The following WDFY3 variants were observed in gnomAD, a reference collection of about 807,000 sequenced individuals.
WDFY3 encodes WD repeat and FYVE domain containing 3.
Under a neutral mutation model 409.6 loss-of-function variants are expected in WDFY3, and 66 were observed. The ratio of observed to expected loss-of-function variants is 0.16; its 90% CI spans 0.13 to 0.20. The LOEUF (loss-of-function observed/expected upper bound fraction) is 0.20, where lower values mean the gene tolerates loss of function less well. WDFY3 is among the 10% of genes least tolerant of loss of function. The pLI is 1.00. For synonymous variants in WDFY3, 1,521 were observed against 1,537.1 expected (o/e 0.99, Z 0.25); for missense variants, 3,031 against 4,298.1 (o/e 0.71, Z 8.24).
At chr4:84,809,473 G>A (rs1752108337) in intron 14 of WDFY3, 2 of 154,262 alleles carry the variant, frequency 1.3e-5, no homozygotes, top group Non-Finnish European at 2.9e-5. Flanking sequence ...ATTTTTTGAG[G>A]AGTATGATAT....
intron 2 of WDFY3, among the ~76,000 whole-genome samples, chr4:84,926,343 C>G (rs1769991588): frequency 6.6e-6 from 1 of 151,484 alleles, no homozygotes; most frequent in South Asian, 2.1e-4. Context: ...ATTAGTGTTT[C>G]TAAGACTGAA....
chr4:84,876,788 C>T (rs1022735703), intron 3 of WDFY3, among the ~76,000 whole-genome samples: 2 of 151,666 alleles, frequency 1.3e-5, no homozygotes, highest in African/African-American at 4.8e-5. Context: ...CTGTTTCTCA[C>T]AAAAACTTAC....
In WDFY3 at chr4:84,821,514, A is replaced by G. The variant is rs377252869; in HGVS notation, c.1161T>C (p.Leu387=). ...SVRNVQAFAV[L]QNAFLKAKTS... is the part of the protein sequence containing the mutation. Reference sequence around the variant, plus strand: ...TTTTTGCTTTTAAAAATGCATTCTGAAGAACTGCAAAGGCCTGGACGTTTC... The same window carrying G: ...TTTTTGCTTTTAAAAATGCATTCTGGAGAACTGCAAAGGCCTGGACGTTTC... The change falls in exon 11 of 68, where the codon CTT becomes CTC. Residue 387 remains leucine, a synonymous_variant. Transcript: ENST00000295888. 2.5e-6 allele frequency: 4 copies of G among 1,613,598 alleles called. No homozygotes were observed. Among genetic ancestry groups the G allele is most frequent in the African/African-American group, 1.3e-5 (1 of 74,914 alleles).
intron 2 of WDFY3, among the ~76,000 whole-genome samples, chr4:84,916,218 T>A (rs1305420106): frequency 6.6e-6 from 1 of 152,092 alleles, no homozygotes; most frequent in Non-Finnish European, 1.5e-5. Context: ...GGTAAGTTCA[T>A]CAGTTCATCT....
At chr4:84,878,647 G>A (rs542251264) in intron 3 of WDFY3, among the ~76,000 whole-genome samples, 11 of 152,174 alleles carry the variant, frequency 7.2e-5, no homozygotes, top group Admixed American at 5.2e-4. Context: ...GACATGGTTC[G>A]AAATGCTTTA....
Position 84,733,383 on chromosome 4 carries a change from G to A in WDFY3, c.7220C>T (p.Ala2407Val), listed in dbSNP as rs769009725. The A allele has an allele frequency of 5.5e-5, 89 of 1,613,488 alleles. 1 individual carries two copies. The highest frequency in any genetic ancestry group is 3.3e-4 in the South Asian group (30 of 91,042). ...GATCATTGAATTCTGCATACTCACC[G>A]CCACATTTGTCTCTTGCTCAGTTTC... ...VPETEQETNV[A>V]SEIPSKQPET... The change falls in exon 44 of 68, where the codon GCG becomes GTG. Residue 2407 changes from alanine (A) to valine (V), a missense_variant and splice_region_variant. By Grantham distance (64) the Ala-to-Val change is moderately conservative. Coordinates refer to ENST00000295888, the MANE Select transcript of WDFY3 (RefSeq NM_014991.6).
chr4:84,699,901 G>C (rs1404191963), intron 56 of WDFY3, among the ~76,000 whole-genome samples: 1 of 151,136 alleles, frequency 6.6e-6, no homozygotes, highest in African/African-American at 2.4e-5. Context: ...TTTCCAACTG[G>C]GTTGTTTGTC....
At chr4:84,702,855 C>T (rs914022136) in intron 55 of WDFY3, among the ~76,000 whole-genome samples, 1 of 152,078 alleles carries the variant, frequency 6.6e-6, no homozygotes, top group African/African-American at 2.4e-5. Flanking sequence ...CCAGCACTTT[C>T]GGAGGCCGAG....
Position 84,740,110 on chromosome 4 carries a change from T to C in WDFY3, c.6464+77A>G. 4 of 1,398,882 alleles carry C rather than the reference T, an allele frequency of 2.9e-6. No individual in the cohort carries two copies. The South Asian group carries it at 3.7e-5, about 13-fold the overall frequency. 86.7% of individuals were successfully genotyped at this position (1,398,882 alleles called of 1,614,324 possible). ...AGTAAGGGTAAAAGAAATGTTACTATCAAAAAAAATAAAGAATTTTGTTGG... is the reference window on the plus strand; with the variant it reads ...AGTAAGGGTAAAAGAAATGTTACTACCAAAAAAAATAAAGAATTTTGTTGG... On this transcript the variant is annotated intron_variant, in intron 39 of 67. Coordinates refer to ENST00000295888, the MANE Select transcript of WDFY3 (RefSeq NM_014991.6).
At chr4:84,776,470 T>C (rs543180501) in intron 27 of WDFY3, among the ~76,000 whole-genome samples, 1 of 152,180 alleles carries the variant, frequency 6.6e-6, no homozygotes, top group African/African-American at 2.4e-5. Flanking sequence ...TGTTTGTATA[T>C]TGAGTTTTAA....
At chr4:84,921,716 G>A (rs1769311795) in intron 2 of WDFY3, among the ~76,000 whole-genome samples, 1 of 120,768 alleles carries the variant, frequency 8.3e-6, no homozygotes, top group Admixed American at 1.1e-4. Flanking sequence ...GGAGTGCTGT[G>A]ACACAATCCC....
intron 4 of WDFY3, among the ~76,000 whole-genome samples, chr4:84,852,148 C>T (rs2150130609): frequency 6.6e-6 from 1 of 152,282 alleles, no homozygotes; most frequent in East Asian, 1.9e-4. Flanking sequence ...AATAGAGTTT[C>T]TTGAAAACAA....
At chr4:84,933,964 G>T (rs1228260159) in intron 1 of WDFY3, among the ~76,000 whole-genome samples, 1 of 152,018 alleles carries the variant, frequency 6.6e-6, no homozygotes, top group East Asian at 1.9e-4. Context: ...TTGGTTATTG[G>T]TAACAGTGCT....
At chr4:84,845,451 A>G (rs1210620159) in intron 5 of WDFY3, among the ~76,000 whole-genome samples, 2 of 152,150 alleles carry the variant, frequency 1.3e-5, no homozygotes, top group Non-Finnish European at 2.9e-5. Flanking sequence ...TTGCTGTTCA[A>G]TGGGTATAGT....
chr4:84,911,495 G>GA (rs1767782744), intron 2 of WDFY3, among the ~76,000 whole-genome samples: 1 of 151,746 alleles, frequency 6.6e-6, no homozygotes, highest in Admixed American at 6.6e-5. Flanking sequence ...TCTTAAAAAA[G>GA]AAAAAAGGGC....
intron 62 of WDFY3, 30 bp downstream of exon 62, chr4:84,688,056 C>G (rs1490873294): frequency 1.3e-6 from 2 of 1,599,290 alleles, no homozygotes; most frequent in Non-Finnish European, 1.7e-6. Flanking sequence ...ACTTGTTTAC[C>G]TAAACATAAG....
At chr4:84,831,046 G>A (rs1221976359) in intron 8 of WDFY3, among the ~76,000 whole-genome samples, 1 of 151,952 alleles carries the variant, frequency 6.6e-6, no homozygotes, top group Non-Finnish European at 1.5e-5. Flanking sequence ...AATCAGCCAG[G>A]TATGGTGGTG....
chr4:84,808,981 AG>A (rs2149716235), intron 14 of WDFY3: 1 of 152,414 alleles, frequency 6.6e-6, no homozygotes, highest in East Asian at 1.9e-4. Flanking sequence ...TCCACAGAAA[AG>A]GACACAAAAC....
At chr4:84,954,707 A>T (rs1372668441) in intron 1 of WDFY3, among the ~76,000 whole-genome samples, 1 of 152,218 alleles carries the variant, frequency 6.6e-6, no homozygotes, top group Non-Finnish European at 1.5e-5. Flanking sequence ...AGTCAATCAT[A>T]TTCCTACATT....
Sources: allele counts gnomAD v4.1 joint callset (sites outside exome capture counted in the v4.1 genomes callset), GRCh38; gene constraint gnomAD v4.1.1; transcripts MANE v1.5; gene names NCBI Gene and HGNC (gene_info 2026-07-23, HGNC 2026-07-21).